The following KIF20A variants were observed in gnomAD, a reference collection of about 807,000 sequenced individuals.
KIF20A encodes the protein kinesin-like protein KIF20A.
Under a neutral mutation model 113.0 loss-of-function variants are expected in KIF20A, and 66 were observed. That is an observed-to-expected ratio of 0.58 (90% CI 0.48 to 0.72). KIF20A has a LOEUF of 0.72. Ranked by LOEUF, KIF20A falls within the 30% of genes least tolerant of loss-of-function variation. The pLI is 0.00. For missense variants in KIF20A, 927 were observed against 1,077.6 expected, an observed-to-expected ratio of 0.86 and a Z score of 1.96; for synonymous variants, 376 against 402.3, an observed-to-expected ratio of 0.93 and a Z score of 0.78.
At position 138,182,767 on chromosome 5, in the gene KIF20A, C is replaced by T. The variant is rs1754681543; in HGVS notation, c.696C>T (p.Leu232=). ...AGCTGTCCCTGCTAAATGGAGGCCT[C>T]CAAGAGGTAAAGCATTGGTATCCAT... ...MKKLSLLNGG[L]QEEELSTSLK... Residue 232 remains leucine, a synonymous_variant, in exon 6 of 19, where the codon CTC becomes CTT. Coordinates refer to ENST00000394894, the MANE Select transcript of KIF20A (RefSeq NM_005733.3). 1.2e-6 allele frequency: 2 copies of T among 1,613,634 alleles called. No homozygotes were observed. The highest frequency in any genetic ancestry group is 2.7e-5 in the African/African-American group (2 of 74,994).
chr5:138,182,792 T>A lies in KIF20A; in HGVS notation c.702+19T>A. 6.2e-7 allele frequency: 1 copy of A among 1,613,508 alleles called. No individual in the cohort carries two copies. The highest frequency in any genetic ancestry group is 8.5e-7 in the Non-Finnish European group (1 of 1,179,924). On this transcript the variant is annotated intron_variant, in intron 6 of 18. Transcript: ENST00000394894. ...CCAAGAGGTAAAGCATTGGTATCCATGGCAGTGGGGGTAGGGGGTACAAAT... is the reference window on the plus strand; with the variant it reads ...CCAAGAGGTAAAGCATTGGTATCCAAGGCAGTGGGGGTAGGGGGTACAAAT...
At chr5:138,186,485 T>C in intron 18 of KIF20A, 54 bp downstream of exon 18, 1 of 1,553,494 alleles carries the variant, frequency 6.4e-7, no homozygotes, top group South Asian at 1.3e-5. Context: ...CCAGTGTATA[T>C]GTGAGAAAGG....
chr5:138,183,428 A>T lies in KIF20A; in HGVS notation c.1028-42A>T. ...GCAACTGGGGAGAGACTGGCAAAAG[A>T]GTTGGATGTTCCCATCTTACACCCC... On this transcript the variant is annotated intron_variant, in intron 8 of 18. Transcript: ENST00000394894. The surrounding 1 kb of genome is among the most constrained non-coding windows in gnomAD (Gnocchi z 5.2). 1 of 1,611,604 alleles carries T rather than the reference A, an allele frequency of 6.2e-7. No homozygotes were observed. Among genetic ancestry groups the T allele is most frequent in the Non-Finnish European group, 8.5e-7 (1 of 1,177,752 alleles).
At chr5:138,179,333 G>A (rs1754591680) in intron 1 of KIF20A, 131 bp downstream of exon 1, 2 of 289,630 alleles carry the variant, frequency 6.9e-6, no homozygotes, top group Non-Finnish European at 1.3e-5. Flanking sequence ...TGGTCCTTGG[G>A]GTGAGGTTAG....
chr5:138,182,394 C>T lies in KIF20A; in HGVS notation c.447C>T (p.Leu149=), dbSNP rs746670861. The change falls in exon 5 of 19, where the codon CTC becomes CTT. Residue 149 remains leucine (L), a synonymous_variant. Coordinates refer to ENST00000394894, the MANE Select transcript of KIF20A (RefSeq NM_005733.3). ...LTVKEMVKDV[L]KGQNWLIYTY... is the part of the protein sequence containing the mutation. ...TGAAGGAGATGGTAAAGGATGTACTCAAAGGGCAGAACTGGCTCATCTATA... is the reference window on the plus strand; with the variant it reads ...TGAAGGAGATGGTAAAGGATGTACTTAAAGGGCAGAACTGGCTCATCTATA... 6.2e-6 allele frequency: 10 copies of T among 1,614,160 alleles called. No individual in the cohort carries two copies. In the Middle Eastern group the frequency reaches 4.9e-4, roughly 80 times the overall value.
chr5:138,187,536 C>A lies in KIF20A; in HGVS notation c.*123C>A. 2.6e-6 allele frequency: 2 copies of A among 757,672 alleles called. No homozygotes were observed. Among genetic ancestry groups the A allele is most frequent in the Non-Finnish European group, 4.1e-6 (2 of 482,354 alleles). 46.9% of individuals were successfully genotyped at this position (757,672 alleles called of 1,614,324 possible). Reference sequence around the variant, plus strand: ...TTATATCCAGGATGCAATACTCAGACACTAGCTTTTTTCTCACTTTTGTAT... The same window carrying A: ...TTATATCCAGGATGCAATACTCAGAAACTAGCTTTTTTCTCACTTTTGTAT... On this transcript the variant is annotated 3_prime_UTR_variant, in exon 19 of 19. Transcript: ENST00000394894.
Position 138,183,811 on chromosome 5 carries a change from A to G in KIF20A, c.1208+55A>G, listed in dbSNP as rs532570191. Reference sequence around the variant, plus strand: ...TCTTGGCCATAAATGATAGTTGGGAAAGCATGGAGGAGGTCCTCAGGGGAA... The same window carrying G: ...TCTTGGCCATAAATGATAGTTGGGAGAGCATGGAGGAGGTCCTCAGGGGAA... On this transcript the variant is annotated intron_variant, in intron 10 of 18. Transcript: ENST00000394894. This position sits in a 1 kb window ranked among gnomAD's most constrained non-coding sequence, Gnocchi z 5.2. The G allele has an allele frequency of 7.8e-5, 124 of 1,581,260 alleles. No individual in the cohort carries two copies. In the South Asian group the frequency reaches 1.3e-3, roughly 16 times the overall value.
chr5:138,181,698 C>A lies in KIF20A; in HGVS notation c.345C>A (p.Gly115=), dbSNP rs750657840. The part of the protein sequence containing the change: ...FALKSNERGI[G]QATHRFTFSQ... Reference sequence around the variant, plus strand: ...TGAAGAGCAATGAACGGGGAATTGGCCAAGCCACACACAGGTTCACCTTTT... The same window carrying A: ...TGAAGAGCAATGAACGGGGAATTGGACAAGCCACACACAGGTTCACCTTTT... Residue 115 remains glycine (G), a synonymous_variant, in exon 4 of 19, where the codon GGC becomes GGA. Coordinates refer to ENST00000394894, the MANE Select transcript of KIF20A (RefSeq NM_005733.3). 4 of 1,613,962 alleles carry A rather than the reference C, an allele frequency of 2.5e-6. No individual in the cohort carries two copies. Among genetic ancestry groups the A allele is most frequent in the Non-Finnish European group, 3.4e-6 (4 of 1,180,042 alleles).
At position 138,185,175 on chromosome 5, in the gene KIF20A, G is replaced by T. The variant is rs141655710; in HGVS notation, c.1904G>T (p.Ser635Ile). The T allele has an allele frequency of 4.8e-5, 77 of 1,613,246 alleles. No individual in the cohort carries two copies. Among genetic ancestry groups the T allele is most frequent in the Admixed American group, 5.0e-5 (3 of 59,936 alleles). The change falls in exon 15 of 19, where the codon AGT becomes ATT. Residue 635 changes from serine (S) to isoleucine (I), a missense_variant. By Grantham distance (142) the Ser-to-Ile change is moderately radical. Transcript: ENST00000394894. ...KLNILKESLT[S>I]FYQEEIQERD... The stretch of plus-strand genomic sequence containing the variant: ...AATATCCTCAAGGAGTCACTGACAA[G>T]TTTTTACCAAGAAGAGATTCAGGTG...
At position 138,186,174 on chromosome 5, in the gene KIF20A, A is replaced by C. The variant is rs550913404; in HGVS notation, c.2218-120A>C. Reference sequence around the variant, plus strand: ...TTGTGCACAGTTCTGGAGAGTGGCTATTTCACTCAGCTGACTAGCCTTTCT... The same window carrying C: ...TTGTGCACAGTTCTGGAGAGTGGCTCTTTCACTCAGCTGACTAGCCTTTCT... On this transcript the variant is annotated intron_variant, in intron 17 of 18. Transcript: ENST00000394894. The C allele has an allele frequency of 2.2e-4, 332 of 1,484,790 alleles. 5 individuals are homozygous for C. In the African/African-American group the frequency reaches 2.5e-3, roughly 11 times the overall value. The allele number at this position is 1,484,790 out of a possible 1,614,324, so 92.0% of individuals were successfully genotyped here. A position where few individuals can be genotyped will look rare whatever the true frequency, so the allele number is the denominator to read the frequency against.
chr5:138,187,434 G>A lies in KIF20A; in HGVS notation c.*21G>A, dbSNP rs764676696. 1.2e-5 allele frequency: 20 copies of A among 1,600,324 alleles called. 1 individual carries two copies. Among genetic ancestry groups the A allele is most frequent in the Non-Finnish European group, 1.7e-5 (20 of 1,171,192 alleles). ...ACTAAGGCTGTGGGGAAAGAGAAGA[G>A]CAGTCATGGCCCTGAGGTGGGTCAG... On this transcript the variant is annotated 3_prime_UTR_variant, in exon 19 of 19. Transcript: ENST00000394894.
chr5:138,187,386 A>C lies in KIF20A; in HGVS notation c.2646A>C (p.Lys882Asn). ...ILRSRRSPLL[K>N]SGPFGKKY The stretch of plus-strand genomic sequence containing the variant: ...GCTCACGGCGTTCCCCTTTACTCAA[A>C]TCTGGGCCTTTTGGCAAAAAGTACT... Residue 882 changes from lysine (K) to asparagine (N), a missense_variant, in exon 19 of 19, where the codon AAA becomes AAC. Physicochemically the swap from Lys to Asn is moderately conservative, Grantham distance 94 (BLOSUM62 0). Coordinates refer to ENST00000394894, the MANE Select transcript of KIF20A (RefSeq NM_005733.3). The C allele has an allele frequency of 6.2e-7, 1 of 1,613,486 alleles. No individual in the cohort carries two copies. The highest frequency in any genetic ancestry group is 1.1e-5 in the South Asian group (1 of 91,062).
In KIF20A at chr5:138,184,691, A is replaced by G. The variant is rs775208400; in HGVS notation, c.1683+15A>G. 2.4e-5 allele frequency: 38 copies of G among 1,613,246 alleles called. No homozygotes were observed. The highest frequency in any genetic ancestry group is 3.1e-5 in the Non-Finnish European group (36 of 1,179,298). ...ATGGCAAAGAGGTGAGAATACAAGA[A>G]AGCTTTAGTGTAGCAGCTTAGTAGC... On this transcript the variant is annotated intron_variant, in intron 13 of 18. Coordinates refer to ENST00000394894, the MANE Select transcript of KIF20A (RefSeq NM_005733.3).
In KIF20A at chr5:138,186,067, T is replaced by G; in HGVS notation, c.2217+15T>G. 1 of 1,608,912 alleles carries G rather than the reference T, an allele frequency of 6.2e-7. No homozygotes were observed. The highest frequency in any genetic ancestry group is 8.5e-7 in the Non-Finnish European group (1 of 1,175,632). ...AGGGCCAGAAGGTAATTACCACCAT[T>G]CTCTGTTTACCAAACTCTTACCTAA... On this transcript the variant is annotated intron_variant, in intron 17 of 18. Transcript: ENST00000394894.
chr5:138,185,174 A>C lies in KIF20A; in HGVS notation c.1903A>C (p.Ser635Arg). The C allele has an allele frequency of 1.2e-6, 2 of 1,613,402 alleles. No homozygotes were observed. Among genetic ancestry groups the C allele is most frequent in the Non-Finnish European group, 1.7e-6 (2 of 1,179,446 alleles). Residue 635 changes from serine (S) to arginine (R), a missense_variant, in exon 15 of 19, where the codon AGT becomes CGT. Physicochemically the swap from Ser to Arg is moderately radical, Grantham distance 110. Coordinates refer to ENST00000394894, the MANE Select transcript of KIF20A (RefSeq NM_005733.3). ...AAATATCCTCAAGGAGTCACTGACA[A>C]GTTTTTACCAAGAAGAGATTCAGGT... Reference protein sequence around the residue: ...KLNILKESLTSFYQEEIQERD... With the variant: ...KLNILKESLTRFYQEEIQERD...
At chr5:138,187,057 G>GAC (rs1561631212) in intron 18 of KIF20A, 39 bp from the exon 19 acceptor site, 7 of 1,520,808 alleles carry the variant, frequency 4.6e-6, no homozygotes, top group Non-Finnish European at 6.3e-6. Flanking sequence ...TAATATACCA[G>GAC]ACAAAAGTGT....
chr5:138,179,765 G>T lies in KIF20A; in HGVS notation c.85G>T (p.Ala29Ser). ...TTCTCCCATGTTTGAGTCCACAGCT[G>T]CAGATTTGGGGTCTGTGGTACGCAA... Reference protein sequence around the residue: ...VVSPMFESTAADLGSVVRKNL... With the variant: ...VVSPMFESTASDLGSVVRKNL... The change falls in exon 2 of 19, where the codon GCA (alanine) becomes TCA (serine). Residue 29 changes from alanine (A) to serine (S), a missense_variant. Coordinates refer to ENST00000394894, the MANE Select transcript of KIF20A (RefSeq NM_005733.3). 1 of 1,614,120 alleles carries T rather than the reference G, an allele frequency of 6.2e-7. No individual in the cohort carries two copies. The highest frequency in any genetic ancestry group is 8.5e-7 in the Non-Finnish European group (1 of 1,180,022).
Position 138,183,793 on chromosome 5 carries a change from C to T in KIF20A, c.1208+37C>T. On this transcript the variant is annotated intron_variant, in intron 10 of 18. Coordinates refer to ENST00000394894, the MANE Select transcript of KIF20A (RefSeq NM_005733.3). The surrounding 1 kb of genome is among the most constrained non-coding windows in gnomAD (Gnocchi z 5.2). ...CATTTAGAAATTTGGGCTTCTTGGCCATAAATGATAGTTGGGAAAGCATGG... is the reference window on the plus strand; with the variant it reads ...CATTTAGAAATTTGGGCTTCTTGGCTATAAATGATAGTTGGGAAAGCATGG... 1 of 1,592,350 alleles carries T rather than the reference C, an allele frequency of 6.3e-7. No homozygotes were observed. The highest frequency in any genetic ancestry group is 8.6e-7 in the Non-Finnish European group (1 of 1,161,026).
chr5:138,179,339 G>T, intron 1 of KIF20A, 137 bp downstream of exon 1: 1 of 317,560 alleles, frequency 3.1e-6, no homozygotes, highest in Non-Finnish European at 6.1e-6. Flanking sequence ...TTGGGGTGAG[G>T]TTAGAGAAGG....
Sources: allele counts gnomAD v4.1 joint callset, GRCh38; gene constraint gnomAD v4.1.1; non-coding constraint Gnocchi (gnomAD v3.1); transcripts MANE v1.5; gene names NCBI Gene and HGNC (gene_info 2026-07-23, HGNC 2026-07-21).